The following KIAA0825 variants were observed in gnomAD, a reference collection of about 807,000 sequenced individuals.
KIAA0825 encodes uncharacterized protein KIAA0825.
KIAA0825 carries 119 observed loss-of-function variants against 147.6 expected under a neutral mutation model. The observed-to-expected ratio is 0.81, with a 90% CI of 0.69 to 0.94. The LOEUF (loss-of-function observed/expected upper bound fraction) is 0.94, where lower values mean the gene tolerates loss of function less well. Ranked by LOEUF, KIAA0825 falls within the 40% of genes least tolerant of loss-of-function variation. The pLI, the probability that KIAA0825 is intolerant of heterozygous loss-of-function variation, is 0.00. For missense variants in KIAA0825, 1,381 were observed against 1,472.7 expected, an observed-to-expected ratio of 0.94 and a Z score of 1.02; for synonymous variants, 470 against 518.1, an observed-to-expected ratio of 0.91 and a Z score of 1.26.
intron 20 of KIAA0825, among the ~76,000 whole-genome samples, chr5:94,383,520 C>T (rs911124340): frequency 6.6e-6 from 1 of 151,908 alleles, no homozygotes; most frequent in African/African-American, 2.4e-5. Flanking sequence ...ATCATATAGA[C>T]GATAAGCCTC....
intron 5 of KIAA0825, among the ~76,000 whole-genome samples, chr5:94,508,441 C>G (rs1317868955): frequency 5.3e-5 from 8 of 152,070 alleles, no homozygotes; most frequent in Non-Finnish European, 1.0e-4. Context: ...ATAAAATGTT[C>G]CCAACCAAAT....
intron 20 of KIAA0825, among the ~76,000 whole-genome samples, chr5:94,217,097 A>G (rs1222824179): frequency 6.6e-6 from 1 of 152,184 alleles, no homozygotes; most frequent in Non-Finnish European, 1.5e-5. Context: ...TTTACTATGT[A>G]TACATGTAGG....
At chr5:94,371,219 A>C (rs974023879) in intron 20 of KIAA0825, among the ~76,000 whole-genome samples, 1 of 152,208 alleles carries the variant, frequency 6.6e-6, no homozygotes, top group Admixed American at 6.5e-5. Flanking sequence ...ATGAGGAGAA[A>C]AAAAGCTCAG....
intron 5 of KIAA0825, among the ~76,000 whole-genome samples, chr5:94,502,006 T>A (rs1335902837): frequency 6.6e-6 from 1 of 152,162 alleles, no homozygotes; most frequent in Non-Finnish European, 1.5e-5. Context: ...ACAAAAGTGA[T>A]CTGTGATATA....
intron 20 of KIAA0825, among the ~76,000 whole-genome samples, chr5:94,201,435 T>C (rs189783958): frequency 6.6e-6 from 1 of 152,118 alleles, no homozygotes; most frequent in Non-Finnish European, 1.5e-5. Flanking sequence ...TAAGACACGA[T>C]CTTGCTCCGT....
At chr5:94,246,124 A>G (rs1291476826) in intron 20 of KIAA0825, among the ~76,000 whole-genome samples, 1 of 152,198 alleles carries the variant, frequency 6.6e-6, no homozygotes, top group Non-Finnish European at 1.5e-5. Flanking sequence ...ACAATCTTCA[A>G]GAACATTTTA....
chr5:94,590,990 G>C (rs1784251422), intron 1 of KIAA0825, among the ~76,000 whole-genome samples: 1 of 152,288 alleles, frequency 6.6e-6, no homozygotes, highest in East Asian at 1.9e-4. Flanking sequence ...CGTTAAAACT[G>C]TTTAAAATTA....
At chr5:94,584,425 G>T (rs1292944630) in intron 1 of KIAA0825, among the ~76,000 whole-genome samples, 4 of 152,132 alleles carry the variant, frequency 2.6e-5, no homozygotes, top group Non-Finnish European at 4.4e-5. Flanking sequence ...TGATTAAGTG[G>T]AAGAAAGAAT....
At chr5:94,263,574 T>A (rs1776602662) in intron 20 of KIAA0825, among the ~76,000 whole-genome samples, 1 of 152,168 alleles carries the variant, frequency 6.6e-6, no homozygotes, top group African/African-American at 2.4e-5. Flanking sequence ...TGAATTTTCT[T>A]CTGAGTTTCC....
chr5:94,528,585 C>T (rs889482630), intron 3 of KIAA0825, among the ~76,000 whole-genome samples: 2 of 152,112 alleles, frequency 1.3e-5, no homozygotes, highest in Non-Finnish European at 2.9e-5. Context: ...TTGATAAGAA[C>T]GAGCTTCCCA....
chr5:94,280,266 C>T (rs1777399825), intron 20 of KIAA0825, among the ~76,000 whole-genome samples: 1 of 152,044 alleles, frequency 6.6e-6, no homozygotes, highest in South Asian at 2.1e-4. Flanking sequence ...CCCCAGGTTT[C>T]TTCACTCCCA....
At chr5:94,550,397 C>T (rs1775288013) in intron 2 of KIAA0825, among the ~76,000 whole-genome samples, 2 of 152,090 alleles carry the variant, frequency 1.3e-5, no homozygotes, top group African/African-American at 4.8e-5. Flanking sequence ...GTCAAAGCAC[C>T]CCACCCAACT....
At chr5:94,293,302 T>A (rs898873290) in intron 20 of KIAA0825, among the ~76,000 whole-genome samples, 1 of 152,228 alleles carries the variant, frequency 6.6e-6, no homozygotes, top group Non-Finnish European at 1.5e-5. Flanking sequence ...GAGATTCTGA[T>A]ATATTGTGTC....
At chr5:94,446,711 T>C (rs1757772547) in intron 13 of KIAA0825, among the ~76,000 whole-genome samples, 1 of 152,180 alleles carries the variant, frequency 6.6e-6, no homozygotes, top group African/African-American at 2.4e-5. Flanking sequence ...TTTTTGTACA[T>C]ATTTAAGGAT....
At chr5:94,477,834 A>G (rs1475883366) in intron 6 of KIAA0825, among the ~76,000 whole-genome samples, 1 of 152,172 alleles carries the variant, frequency 6.6e-6, no homozygotes, top group Non-Finnish European at 1.5e-5. Context: ...TGGGAAAAAA[A>G]ATTTGATCTA....
intron 19 of KIAA0825, 86 bp from the exon 20 acceptor site, chr5:94,384,544 GACTA>G (rs1748884417): frequency 1.2e-5 from 13 of 1,050,298 alleles, no homozygotes; most frequent in Admixed American, 6.1e-5. Context: ...AGCTGTGATA[GACTA>G]ACTAAGAAGG....
At chr5:94,164,973 C>T (rs1005530650) in intron 20 of KIAA0825, among the ~76,000 whole-genome samples, 1 of 152,126 alleles carries the variant, frequency 6.6e-6, no homozygotes, top group Non-Finnish European at 1.5e-5. Flanking sequence ...GAACAATACC[C>T]CACAAGCACA....
At chr5:94,311,242 G>A (rs1485338364) in intron 20 of KIAA0825, among the ~76,000 whole-genome samples, 1 of 150,084 alleles carries the variant, frequency 6.7e-6, no homozygotes, top group African/African-American at 2.4e-5. Context: ...TTGTTTTTTG[G>A]GTTTTTTTTT....
chr5:94,364,327 G>A, intron 20 of KIAA0825, among the ~76,000 whole-genome samples: 1 of 151,598 alleles, frequency 6.6e-6, no homozygotes, highest in East Asian at 1.9e-4. Context: ...ACTGGGCAAG[G>A]CTGTAGAAGT....
Sources: allele counts gnomAD v4.1 joint callset (sites outside exome capture counted in the v4.1 genomes callset), GRCh38; gene constraint gnomAD v4.1.1; transcripts MANE v1.5; gene names NCBI Gene and HGNC (gene_info 2026-07-23, HGNC 2026-07-21).